The following FGF12 variants were observed in gnomAD, a reference collection of about 807,000 sequenced individuals.
FGF12 encodes the protein fibroblast growth factor 12B.
Under a neutral mutation model 23.6 loss-of-function variants are expected in FGF12, and 14 were observed. The observed-to-expected ratio is 0.59, with a 90% CI of 0.39 to 0.93. The LOEUF is 0.93. Among genes scored for constraint, FGF12 ranks in the 40% least tolerant of loss-of-function variants. The pLI, the probability that FGF12 is intolerant of heterozygous loss-of-function variation, is 0.00. For missense variants in FGF12, 175 were observed against 217.8 expected (o/e 0.80, Z 1.24); for synonymous variants, 62 against 77.3 (o/e 0.80, Z 1.04).
intron 2 of FGF12, among the ~76,000 whole-genome samples, chr3:192,507,915 C>A (rs1221870866): frequency 3.3e-5 from 5 of 152,120 alleles, no homozygotes; most frequent in African/African-American, 1.2e-4. Flanking sequence ...CCCACAAGTT[C>A]CTTAGAGCCA....
intron 2 of FGF12, among the ~76,000 whole-genome samples, chr3:192,622,442 A>C (rs1715009388): frequency 6.6e-6 from 1 of 152,142 alleles, no homozygotes; most frequent in Admixed American, 6.5e-5. Flanking sequence ...CAAGACATAC[A>C]ACATTCTCTC....
intron 2 of FGF12, among the ~76,000 whole-genome samples, chr3:192,477,348 A>G (rs1331614230): frequency 6.6e-6 from 1 of 152,220 alleles, no homozygotes; most frequent in Non-Finnish European, 1.5e-5. Flanking sequence ...CCAGGAAGAA[A>G]GCAGAGGTGG....
At chr3:192,692,964 A>G (rs1717993061) in intron 2 of FGF12, among the ~76,000 whole-genome samples, 3 of 151,246 alleles carry the variant, frequency 2.0e-5, no homozygotes, top group Non-Finnish European at 2.9e-5. Context: ...ACCAGCAAGA[A>G]TAACCAGAAA....
chr3:192,351,267 C>A (rs1718207554), intron 3 of FGF12, among the ~76,000 whole-genome samples: 1 of 152,094 alleles, frequency 6.6e-6, no homozygotes, highest in South Asian at 2.1e-4. Context: ...ACAAAGGATT[C>A]ATTCCTCAGA....
At position 192,612,160 on chromosome 3, in the gene FGF12, G is replaced by GAGA. The variant is rs1194341166; in HGVS notation, c.13+115018_13+115020dup. On this transcript the variant is annotated intron_variant, in intron 2 of 5. Transcript: ENST00000445105. Reference sequence around the variant, plus strand: ...CGAAAACAAACCAGTCACAGTAGTAGAGAAATGGCTCTATTTTTAAAGGTT... The same window carrying GAGA: ...CGAAAACAAACCAGTCACAGTAGTAGAGAAGAAATGGCTCTATTTTTAAAGGTT... Among the ~76,000 whole-genome samples, 11 of 152,134 alleles carry GAGA rather than the reference G, an allele frequency of 7.2e-5. No individual in the cohort carries two copies. In the South Asian group the frequency reaches 1.7e-3, roughly 23 times the overall value.
chr3:192,511,500 T>C (rs1724477637), intron 2 of FGF12, among the ~76,000 whole-genome samples: 1 of 152,218 alleles, frequency 6.6e-6, no homozygotes, highest in Non-Finnish European at 1.5e-5. Context: ...CATTAGCTAT[T>C]GTTTTAATCA....
chr3:192,434,152 C>T (rs1479053915), intron 2 of FGF12, among the ~76,000 whole-genome samples: 1 of 152,008 alleles, frequency 6.6e-6, no homozygotes, highest in Middle Eastern at 3.2e-3. Flanking sequence ...CTCACTTTTG[C>T]AAATAAAAAA....
chr3:192,167,276 A>G lies in FGF12; in HGVS notation c.427+3182T>C, dbSNP rs1715221802. Reference sequence around the variant, plus strand: ...TAGCATATGGCAGTTACCATGGACAACTTGGAAAGAAAACTGGCCCTGGCT... The same window carrying G: ...TAGCATATGGCAGTTACCATGGACAGCTTGGAAAGAAAACTGGCCCTGGCT... On this transcript the variant is annotated intron_variant, in intron 5 of 5. Coordinates refer to ENST00000445105, the MANE Select transcript of FGF12 (RefSeq NM_004113.6). 1.3e-5 allele frequency among the ~76,000 whole-genome samples: 2 copies of G among 151,936 alleles called. 1 individual carries two copies. The highest frequency in any genetic ancestry group is 4.1e-4 in the South Asian group (2 of 4,826).
chr3:192,633,167 T>C (rs1288429221), intron 2 of FGF12, among the ~76,000 whole-genome samples: 1 of 152,130 alleles, frequency 6.6e-6, no homozygotes, highest in Non-Finnish European at 1.5e-5. Context: ...TGCCTCAGCC[T>C]CCCGAGTAGC....
chr3:192,511,308 GT>G (rs1469533187), intron 2 of FGF12, among the ~76,000 whole-genome samples: 1 of 152,014 alleles, frequency 6.6e-6, no homozygotes, highest in Non-Finnish European at 1.5e-5. Context: ...CTGCCCTTCT[GT>G]TTCAGATTGA....
intron 2 of FGF12, among the ~76,000 whole-genome samples, chr3:192,635,215 G>T (rs1490865009): frequency 2.0e-5 from 3 of 152,142 alleles, no homozygotes; most frequent in Admixed American, 6.5e-5. Context: ...ATAATTGTAA[G>T]ACATTCTTAC....
At chr3:192,717,125 G>T (rs1171890368) in intron 2 of FGF12, among the ~76,000 whole-genome samples, 1 of 152,148 alleles carries the variant, frequency 6.6e-6, no homozygotes, top group Non-Finnish European at 1.5e-5. Flanking sequence ...TATTCTGAAG[G>T]TTAATAAAAT....
intron 2 of FGF12, among the ~76,000 whole-genome samples, chr3:192,606,711 A>C (rs1714352350): frequency 6.6e-6 from 1 of 152,150 alleles, no homozygotes; most frequent in Admixed American, 6.5e-5. Context: ...TTAAGGGGTT[A>C]AGTAAGCTGT....
At chr3:192,548,710 T>C (rs1367234079) in intron 2 of FGF12, among the ~76,000 whole-genome samples, 1 of 152,166 alleles carries the variant, frequency 6.6e-6, no homozygotes, top group African/African-American at 2.4e-5. Flanking sequence ...TCAGAGCAGA[T>C]AGACTCAAAG....
chr3:192,692,850 C>A (rs1233005756), intron 2 of FGF12, among the ~76,000 whole-genome samples: 2 of 151,822 alleles, frequency 1.3e-5, no homozygotes, highest in Non-Finnish European at 2.9e-5. Context: ...TATGAATAGT[C>A]TACATGACAA....
chr3:192,595,622 G>C (rs777539143), intron 2 of FGF12, among the ~76,000 whole-genome samples: 11 of 152,268 alleles, frequency 7.2e-5, no homozygotes, highest in South Asian at 2.1e-4. Context: ...TCAAGAATTC[G>C]CATTTCTAAC....
chr3:192,480,937 C>T (rs1723462742), intron 2 of FGF12, among the ~76,000 whole-genome samples: 1 of 152,198 alleles, frequency 6.6e-6, no homozygotes, highest in African/African-American at 2.4e-5. Context: ...CTCCATGATC[C>T]GTTTAAAATT....
chr3:192,562,529 AT>A (rs1456632353), intron 2 of FGF12, among the ~76,000 whole-genome samples: 2 of 152,190 alleles, frequency 1.3e-5, no homozygotes, highest in Non-Finnish European at 2.9e-5. Context: ...ATGAAGTAGA[AT>A]TGTACTAGAT....
chr3:192,321,100 G>A (rs1716510697), intron 4 of FGF12, among the ~76,000 whole-genome samples: 1 of 151,940 alleles, frequency 6.6e-6, no homozygotes, highest in African/African-American at 2.4e-5. Context: ...ACCCACATAA[G>A]TAAAATCAGA....
Sources: allele counts gnomAD v4.1 joint callset (sites outside exome capture counted in the v4.1 genomes callset), GRCh38; gene constraint gnomAD v4.1.1; transcripts MANE v1.5; gene names NCBI Gene and HGNC (gene_info 2026-07-23, HGNC 2026-07-21).